The following HS3ST4 variants were observed in gnomAD, a reference collection of about 807,000 sequenced individuals.
HS3ST4 encodes heparan sulfate-glucosamine 3-sulfotransferase 4.
In HS3ST4, 17 loss-of-function variants were observed where a neutral mutation model predicts 29.2. The ratio of observed to expected loss-of-function variants is 0.58; its 90% confidence interval spans 0.40 to 0.87. The LOEUF (loss-of-function observed/expected upper bound fraction) is 0.87. Among genes scored for constraint, HS3ST4 ranks in the 40% least tolerant of loss-of-function variants. The probability of loss-of-function intolerance (pLI) is 0.00; values close to 1 mark genes in which losing one functional copy is unlikely to be tolerated. For synonymous variants in HS3ST4, 314 were observed against 285.7 expected, an observed-to-expected ratio of 1.10 and a Z score of -1.00; for missense variants, 627 against 634.5, an observed-to-expected ratio of 0.99 and a Z score of 0.13.
chr16:25,828,301 C>CCTCTCTCTCTCTCTCTCTCTCTCT, intron 1 of HS3ST4, among the ~76,000 whole-genome samples: 1 of 32,896 alleles, frequency 3.0e-5, no homozygotes, highest in Non-Finnish European at 5.5e-5. Context: ...TCTTTCTTTC[C>CCTCTCTCTCTCTCTCTCTCTCTCT]CTCTCTCTCT....
intron 1 of HS3ST4, among the ~76,000 whole-genome samples, chr16:25,940,745 G>A (rs987024326): frequency 1.3e-5 from 2 of 152,170 alleles, no homozygotes; most frequent in Non-Finnish European, 2.9e-5. Flanking sequence ...TTGACTGTAT[G>A]GATGAAAGTG....
rs143755668 is a variant in HS3ST4 at position 25,769,375 on chromosome 16, C to T, written c.734+76224C>T. ...ACAGTTATCTCTGCAGTCTTCAGCACTGACTCTCAGGTTTGGTAAAGTAGT... is the reference window on the plus strand; with the variant it reads ...ACAGTTATCTCTGCAGTCTTCAGCATTGACTCTCAGGTTTGGTAAAGTAGT... On this transcript the variant is annotated intron_variant, in intron 1 of 1. Transcript: ENST00000331351. 1.9e-3 allele frequency among the ~76,000 whole-genome samples: 285 copies of T among 152,270 alleles called. 2 individuals carry two copies. Among genetic ancestry groups the T allele is most frequent in the African/African-American group, 6.6e-3 (273 of 41,558 alleles).
intron 1 of HS3ST4, among the ~76,000 whole-genome samples, chr16:25,705,777 T>G (rs1008969834): frequency 6.6e-6 from 1 of 152,232 alleles, no homozygotes; most frequent in Non-Finnish European, 1.5e-5. Context: ...TTGTTTTGTG[T>G]GCATAGATTG....
chr16:25,833,187 C>T (rs895071827), intron 1 of HS3ST4, among the ~76,000 whole-genome samples: 1 of 152,124 alleles, frequency 6.6e-6, no homozygotes, highest in Non-Finnish European at 1.5e-5. Context: ...CCGATTTCAG[C>T]TGAATTGATA....
intron 1 of HS3ST4, among the ~76,000 whole-genome samples, chr16:26,088,701 T>C (rs1159404938): frequency 6.6e-6 from 1 of 152,188 alleles, no homozygotes. Context: ...CAAACCAACA[T>C]CTGTGACTTT....
intron 1 of HS3ST4, among the ~76,000 whole-genome samples, chr16:26,094,536 A>G (rs980445730): frequency 6.6e-6 from 1 of 152,202 alleles, no homozygotes; most frequent in African/African-American, 2.4e-5. Flanking sequence ...TGAAGGAGAA[A>G]TAGAATCCTT....
intron 1 of HS3ST4, among the ~76,000 whole-genome samples, chr16:25,793,726 T>C (rs1966875472): frequency 6.6e-6 from 1 of 152,038 alleles, no homozygotes; most frequent in Admixed American, 6.5e-5. Flanking sequence ...TAATTCAGTT[T>C]GATGCTTTCA....
chr16:25,848,959 A>G (rs938253368), intron 1 of HS3ST4, among the ~76,000 whole-genome samples: 44 of 152,118 alleles, frequency 2.9e-4, no homozygotes, highest in African/African-American at 6.3e-4. Flanking sequence ...TTAGATATGT[A>G]GGGTTCCAGT....
At chr16:25,997,005 A>G (rs1204062912) in intron 1 of HS3ST4, among the ~76,000 whole-genome samples, 1 of 152,166 alleles carries the variant, frequency 6.6e-6, no homozygotes, top group African/African-American at 2.4e-5. Flanking sequence ...CATGTTTATG[A>G]ATAAAATATT....
chr16:25,852,681 C>G (rs1452092677), intron 1 of HS3ST4, among the ~76,000 whole-genome samples: 3 of 151,880 alleles, frequency 2.0e-5, no homozygotes, highest in Non-Finnish European at 4.4e-5. Context: ...TTACTTGTCT[C>G]TAGCTTCCTT....
intron 1 of HS3ST4, among the ~76,000 whole-genome samples, chr16:25,950,549 A>G (rs938382783): frequency 1.3e-5 from 2 of 152,110 alleles, no homozygotes; most frequent in Non-Finnish European, 2.9e-5. Context: ...GTTTAATGCC[A>G]TACAGATCCA....
intron 1 of HS3ST4, among the ~76,000 whole-genome samples, chr16:25,944,654 C>G (rs1008247029): frequency 2.6e-5 from 4 of 152,204 alleles, no homozygotes; most frequent in African/African-American, 9.6e-5. Context: ...AGCTACCTAA[C>G]AGGTGTGGTG....
At chr16:25,743,361 G>A (rs1966666812) in intron 1 of HS3ST4, among the ~76,000 whole-genome samples, 1 of 152,138 alleles carries the variant, frequency 6.6e-6, no homozygotes, top group African/African-American at 2.4e-5. Context: ...AACATATAAA[G>A]CACTCAGAAT....
chr16:25,777,100 A>G lies in HS3ST4; in HGVS notation c.734+83949A>G, dbSNP rs186327331. ...TAGTGCTTCGTCACTGAAAAGCATT[A>G]GGTGTCCACAATGCTCCCCTGAAAT... On this transcript the variant is annotated intron_variant, in intron 1 of 1. Transcript: ENST00000331351. Among the ~76,000 whole-genome samples, 44 of 152,312 alleles carry G rather than the reference A, an allele frequency of 2.9e-4. No individual in the cohort carries two copies. In the East Asian group the frequency reaches 8.3e-3, roughly 29 times the overall value.
intron 1 of HS3ST4, among the ~76,000 whole-genome samples, chr16:26,027,143 T>A (rs916132364): frequency 6.6e-6 from 1 of 152,280 alleles, no homozygotes. Flanking sequence ...AAAATCTGTT[T>A]CACTTGTCAA....
rs1462238713 is a variant in HS3ST4 at position 25,939,333 on chromosome 16, T to C, written c.735-196279T>C. ...TTATTATTATTATTATTATTATCAT[T>C]ATTATTATTATTATTATTATTGAGA... On this transcript the variant is annotated intron_variant, in intron 1 of 1. Transcript: ENST00000331351. Among the ~76,000 whole-genome samples, 8 of 147,304 alleles carry C rather than the reference T, an allele frequency of 5.4e-5. No homozygotes were observed. The South Asian group carries it at 6.4e-4, about 12-fold the overall frequency.
chr16:26,075,877 G>T (rs923002948), intron 1 of HS3ST4, among the ~76,000 whole-genome samples: 1 of 152,004 alleles, frequency 6.6e-6, no homozygotes, highest in Non-Finnish European at 1.5e-5. Flanking sequence ...CTTAAACTTA[G>T]TTAGTCTCAG....
At chr16:25,830,645 AC>A (rs1967286061) in intron 1 of HS3ST4, among the ~76,000 whole-genome samples, 1 of 151,912 alleles carries the variant, frequency 6.6e-6, no homozygotes, top group Non-Finnish European at 1.5e-5. Context: ...TCATTCTCTG[AC>A]CAGCTGACAT....
At chr16:25,939,315 TATTATTATTATTATC>T (rs371807251) in intron 1 of HS3ST4, among the ~76,000 whole-genome samples, 15,781 of 84,466 alleles carry the variant, frequency 0.19, 1,141 homozygotes, top group Admixed American at 0.29. Flanking sequence ...TTATTATTAT[TATTATTATTATTATC>T]ATTATTATTA....
Sources: gnomAD v4.1 joint callset for allele counts (sites outside exome capture counted in the v4.1 genomes callset) on GRCh38, gnomAD v4.1.1 for gene constraint, MANE v1.5 for transcripts, NCBI Gene and HGNC (gene_info 2026-07-23, HGNC 2026-07-21) for gene names.